The following TSKS variants were observed in gnomAD, a reference collection of about 807,000 sequenced individuals.
The protein encoded by TSKS is testis specific serine kinase substrate, also known as testis-specific serine kinase substrate.
In TSKS, 27 loss-of-function variants were observed where a neutral mutation model predicts 68.0. The ratio of observed to expected loss-of-function variants is 0.40; its 90% CI spans 0.29 to 0.55. The LOEUF is 0.55. Among genes scored for constraint, TSKS ranks in the 20% least tolerant of loss-of-function variants. TSKS has a pLI of 0.53. For missense variants in TSKS, 806 were observed against 776.0 expected (o/e 1.04, Z -0.46); for synonymous variants, 331 against 340.4 (o/e 0.97, Z 0.30).
chr19:49,746,349 C>G, intron 6 of TSKS, 121 bp downstream of exon 6: 1 of 1,215,246 alleles, frequency 8.2e-7, no homozygotes, highest in Non-Finnish European at 1.1e-6. Context: ...CATGTCACCG[C>G]CCACCTCAGC....
At chr19:49,741,453 C>T (rs2084251465) in intron 9 of TSKS, among the ~76,000 whole-genome samples, 1 of 152,138 alleles carries the variant, frequency 6.6e-6, no homozygotes, top group South Asian at 2.1e-4. Flanking sequence ...TTCCATTTCC[C>T]ATAACGCATC....
chr19:49,749,372 T>G (rs1440066977), intron 2 of TSKS, among the ~76,000 whole-genome samples: 1 of 152,208 alleles, frequency 6.6e-6, no homozygotes, highest in East Asian at 1.9e-4. Flanking sequence ...CATGACACCA[T>G]GTGGCCTCTG....
intron 2 of TSKS, among the ~76,000 whole-genome samples, chr19:49,749,192 A>G (rs2084328153): frequency 6.6e-6 from 1 of 152,216 alleles, no homozygotes; most frequent in African/African-American, 2.4e-5. Flanking sequence ...GCTATGCACC[A>G]AGCACTTGTC....
intron 2 of TSKS, among the ~76,000 whole-genome samples, chr19:49,751,630 C>G (rs1035161953): frequency 6.6e-6 from 1 of 152,042 alleles, no homozygotes; most frequent in Non-Finnish European, 1.5e-5. Context: ...AAGAGTCATT[C>G]TATGATTGTT....
chr19:49,761,968 C>CGGTCCTCCCCAGCGGGTGGTGTGGAG, intron 2 of TSKS, 36 bp downstream of exon 2: 1 of 1,547,098 alleles, frequency 6.5e-7, no homozygotes, highest in Non-Finnish European at 8.9e-7. Flanking sequence ...TGGAGGACCT[C>CGGTCCTCCCCAGCGGGTGGTGTGGAG]GGTCCTCCCC....
chr19:49,753,328 C>T (rs560846685), intron 2 of TSKS, among the ~76,000 whole-genome samples: 2 of 151,914 alleles, frequency 1.3e-5, no homozygotes, highest in South Asian at 4.2e-4. Context: ...TTTGGGAGGC[C>T]GAGGCGGGTG....
At chr19:49,744,551 C>T in intron 7 of TSKS, 147 bp from the exon 8 acceptor site, 1 of 754,280 alleles carries the variant, frequency 1.3e-6, no homozygotes, top group Non-Finnish European at 2.1e-6. Flanking sequence ...TGACTGGCCT[C>T]ACTTTTTGTA....
At position 49,747,900 on chromosome 19, in the gene TSKS, G is replaced by T. The variant is rs890547464; in HGVS notation, c.579+185C>A. On this transcript the variant is annotated intron_variant, in intron 4 of 10. Coordinates refer to ENST00000246801, the MANE Select transcript of TSKS (RefSeq NM_021733.2). ...ATTTTTGTATTTTTAGTAGAGATGG[G>T]GTTTCACCATGTTGGCCAGGCTGGT... Among the ~76,000 whole-genome samples the T allele has an allele frequency of 1.8e-4, 27 of 152,136 alleles. 1 individual carries two copies. Among genetic ancestry groups the T allele is most frequent in the Admixed American group, 5.9e-4 (9 of 15,264 alleles).
intron 8 of TSKS, among the ~76,000 whole-genome samples, chr19:49,743,301 A>G (rs2084267485): frequency 6.7e-6 from 1 of 150,254 alleles, no homozygotes; most frequent in Non-Finnish European, 1.5e-5. Context: ...CTGGTCTCAA[A>G]CTCCCGACCT....
intron 3 of TSKS, 32 bp downstream of exon 3, chr19:49,748,342 G>A (rs1165065325): frequency 6.2e-7 from 1 of 1,603,944 alleles, no homozygotes; most frequent in Non-Finnish European, 8.5e-7. Context: ...CCTGGAGGAA[G>A]GGCAGGTGTT....
At chr19:49,747,245 A>C in intron 5 of TSKS, 144 bp downstream of exon 5, 1 of 1,553,230 alleles carries the variant, frequency 6.4e-7, no homozygotes, top group Non-Finnish European at 8.7e-7. Context: ...CCCTCTTATC[A>C]GCGAGTTCTA....
At chr19:49,747,202 T>TCCC (rs747686235) in intron 5 of TSKS, 187 bp downstream of exon 5, 1 of 1,536,880 alleles carries the variant, frequency 6.5e-7, no homozygotes, top group Non-Finnish European at 8.7e-7. Context: ...AGGGCAAGAG[T>TCCC]CCCCCATCTG....
rs1356927556 is a variant in TSKS at position 49,745,254 on chromosome 19, T to G, written c.1135A>C (p.Thr379Pro). Residue 379 changes from threonine (T) to proline (P), a missense_variant, in exon 7 of 11, where the codon ACG (threonine) becomes CCG (proline). Transcript: ENST00000246801. ...WERAQREQAQTARDLQELRGR... is the reference protein window; with the variant it reads ...WERAQREQAQPARDLQELRGR... ...CGCAGCTCCTGCAAGTCCCGCGCCG[T>G]CTGTGCCTGTTCGCGCTGTGCCCGC... 1.2e-6 allele frequency: 2 copies of G among 1,608,408 alleles called. No homozygotes were observed. The highest frequency in any genetic ancestry group is 1.7e-6 in the Non-Finnish European group (2 of 1,179,424).
At chr19:49,740,025 A>AC (rs773831885) in intron 10 of TSKS, 34 bp downstream of exon 10, 1 of 1,613,380 alleles carries the variant, frequency 6.2e-7, no homozygotes. Flanking sequence ...CCAAGATCTC[A>AC]CCCTCCTCCC....
chr19:49,756,480 T>C (rs565143185), intron 2 of TSKS, among the ~76,000 whole-genome samples: 8 of 149,504 alleles, frequency 5.4e-5, no homozygotes, highest in Non-Finnish European at 1.2e-4. Context: ...AAATGTTACA[T>C]ACCATATTAA....
chr19:49,744,278 G>A lies in TSKS; in HGVS notation c.1314C>T (p.Ser438=), dbSNP rs369823168. ...FQNSRRGPDL[S]MNLDRSHQGN... ...CTTGGTGGGACCGATCCAGGTTCAT[G>A]GAGAGGTCAGGCCCTCTTCGAGAGT... is the stretch of plus-strand genomic sequence containing the variant. Residue 438 remains serine (S), a synonymous_variant, in exon 8 of 11, where the codon TCC becomes TCT. Coordinates refer to ENST00000246801, the MANE Select transcript of TSKS (RefSeq NM_021733.2). 2.9e-4 allele frequency: 466 copies of A among 1,614,016 alleles called. 2 individuals carry two copies. The highest frequency in any genetic ancestry group is 3.7e-4 in the Non-Finnish European group (431 of 1,180,024).
intron 8 of TSKS, among the ~76,000 whole-genome samples, chr19:49,743,493 CTT>C (rs761657800): frequency 1.1e-4 from 11 of 103,892 alleles, no homozygotes; most frequent in East Asian, 5.5e-4. Context: ...AAGTGAATTT[CTT>C]TTTTTTTTTT....
At chr19:49,746,218 G>A (rs1055794654) in intron 6 of TSKS, among the ~76,000 whole-genome samples, 1 of 151,872 alleles carries the variant, frequency 6.6e-6, no homozygotes, top group African/African-American at 2.4e-5. Context: ...GATCTTTGAG[G>A]AACCTCCCCT....
At chr19:49,748,997 G>C (rs1258695156) in intron 2 of TSKS, among the ~76,000 whole-genome samples, 1 of 151,978 alleles carries the variant, frequency 6.6e-6, no homozygotes, top group Non-Finnish European at 1.5e-5. Flanking sequence ...TGGGAAGCAG[G>C]GGCTGCAGTG....
Sources: gnomAD v4.1 joint callset for allele counts (sites outside exome capture counted in the v4.1 genomes callset) on GRCh38, gnomAD v4.1.1 for gene constraint, MANE v1.5 for transcripts, NCBI Gene and HGNC (gene_info 2026-07-23, HGNC 2026-07-21) for gene names.